The following DAB2IP variants were observed in gnomAD, a reference collection of about 807,000 sequenced individuals.
The protein encoded by DAB2IP is disabled homolog 2-interacting protein.
In DAB2IP, 28 loss-of-function variants were observed where a neutral mutation model predicts 107.2. That is an observed-to-expected ratio of 0.26 (90% CI 0.19 to 0.36). The LOEUF (loss-of-function observed/expected upper bound fraction) is 0.36. Among genes scored for constraint, DAB2IP ranks in the 10% least tolerant of loss-of-function variants. The pLI is 1.00. For missense variants in DAB2IP, 1,400 were observed against 1,644.7 expected, an observed-to-expected ratio of 0.85 and a Z score of 2.57; for synonymous variants, 755 against 706.4, an observed-to-expected ratio of 1.07 and a Z score of -1.09.
At chr9:121,781,680 C>T (rs1835666795) in intron 15 of DAB2IP, 129 bp downstream of exon 15, 2 of 915,380 alleles carry the variant, frequency 2.2e-6, no homozygotes. Context: ...CAGAATCTGC[C>T]CTGAGAAGTC....
At chr9:121,595,162 A>G (rs1236717118) in intron 1 of DAB2IP, among the ~76,000 whole-genome samples, 1 of 152,132 alleles carries the variant, frequency 6.6e-6, no homozygotes, top group Non-Finnish European at 1.5e-5. Flanking sequence ...AAGGATGACC[A>G]GGTTATTAAA....
chr9:121,637,619 T>C (rs1832134982), intron 1 of DAB2IP, among the ~76,000 whole-genome samples: 1 of 152,046 alleles, frequency 6.6e-6, no homozygotes, highest in South Asian at 2.1e-4. Context: ...AGCCCCTGAG[T>C]AGGAGGCTCA....
intron 3 of DAB2IP, among the ~76,000 whole-genome samples, chr9:121,750,267 T>C (rs536583062): frequency 6.6e-6 from 1 of 152,358 alleles, no homozygotes; most frequent in South Asian, 2.1e-4. Flanking sequence ...CTAGGCCCTC[T>C]GTCCTCCTGC....
intron 3 of DAB2IP, among the ~76,000 whole-genome samples, chr9:121,720,956 G>T (rs1830893641): frequency 6.6e-6 from 1 of 152,224 alleles, no homozygotes; most frequent in African/African-American, 2.4e-5. Flanking sequence ...AAAGGGAAGA[G>T]TTGGTTACCA....
intron 1 of DAB2IP, among the ~76,000 whole-genome samples, chr9:121,568,661 C>T (rs1436585235): frequency 1.3e-5 from 2 of 152,300 alleles, no homozygotes; most frequent in African/African-American, 4.8e-5. Context: ...GCCTGCCTGC[C>T]TCCAGAGCTG....
At chr9:121,583,366 G>C (rs188600767) in intron 1 of DAB2IP, among the ~76,000 whole-genome samples, 97 of 152,298 alleles carry the variant, frequency 6.4e-4, no homozygotes, top group African/African-American at 2.2e-3. Context: ...ACTCCAGCCT[G>C]GGCAACTGAG....
chr9:121,628,006 C>T (rs1179755165), intron 1 of DAB2IP, among the ~76,000 whole-genome samples: 1 of 152,190 alleles, frequency 6.6e-6, no homozygotes, highest in Non-Finnish European at 1.5e-5. Context: ...GTGCCAGCAT[C>T]CCTCTGTCTG....
chr9:121,691,578 C>T (rs896798281), intron 2 of DAB2IP, among the ~76,000 whole-genome samples: 2 of 151,680 alleles, frequency 1.3e-5, no homozygotes, highest in Non-Finnish European at 2.9e-5. Flanking sequence ...GATAGCAGTT[C>T]GTATTTATTG....
intron 3 of DAB2IP, among the ~76,000 whole-genome samples, chr9:121,746,260 A>G (rs1832717917): frequency 6.6e-6 from 1 of 152,196 alleles, no homozygotes; most frequent in African/African-American, 2.4e-5. Context: ...GGGGGCAGCC[A>G]GGGCTGGTTA....
intron 10 of DAB2IP, 149 bp downstream of exon 10, chr9:121,768,782 G>C: frequency 1.0e-6 from 1 of 1,003,686 alleles, no homozygotes; most frequent in Non-Finnish European, 1.4e-6. Context: ...GGATCTGTGG[G>C]CCCCATTTTC....
At chr9:121,754,708 AGGATCT>A (rs1833355591) in intron 3 of DAB2IP, among the ~76,000 whole-genome samples, 1 of 152,052 alleles carries the variant, frequency 6.6e-6, no homozygotes, top group East Asian at 1.9e-4. Flanking sequence ...CACAGACTCC[AGGATCT>A]GGCTGTTTTG....
At chr9:121,628,732 G>GA (rs993714261) in intron 1 of DAB2IP, among the ~76,000 whole-genome samples, 2 of 152,214 alleles carry the variant, frequency 1.3e-5, no homozygotes, top group African/African-American at 4.8e-5. Context: ...ACCTTCTTTA[G>GA]AGAGGCTCTT....
rs201818642 is a variant in DAB2IP at position 121,749,881 on chromosome 9, ATTGTCAAAAG to A, written c.363-7130_363-7121del. Among the ~76,000 whole-genome samples the A allele has an allele frequency of 6.4e-3, 969 of 152,272 alleles. 8 individuals carry two copies. The highest frequency in any genetic ancestry group is 0.022 in the African/African-American group (916 of 41,556). ...GGAAGTCCATATCTTGTCACTCCAA[ATTGTCAAAAG>A]TGTGACCTATCCCAGAAATGTCAGC... On this transcript the variant is annotated intron_variant, in intron 3 of 15. Coordinates refer to ENST00000408936, the Ensembl canonical transcript of DAB2IP.
At chr9:121,650,813 G>A (rs1477142815), upstream of DAB2IP, among the ~76,000 whole-genome samples, 1 of 152,210 alleles carries the variant, frequency 6.6e-6, no homozygotes, top group Non-Finnish European at 1.5e-5. Context: ...GGCAGTCCCT[G>A]CTGGCAGCAC....
intron 2 of DAB2IP, among the ~76,000 whole-genome samples, chr9:121,692,252 G>A (rs974082229): frequency 2.0e-5 from 3 of 152,164 alleles, no homozygotes; most frequent in Admixed American, 6.6e-5. Flanking sequence ...ATGTTAGCTT[G>A]TATGTTTCAT....
intron 3 of DAB2IP, among the ~76,000 whole-genome samples, chr9:121,747,384 G>C (rs1295553394): frequency 6.9e-6 from 1 of 143,992 alleles, no homozygotes; most frequent in African/African-American, 2.7e-5. Flanking sequence ...GTCTCGCTCT[G>C]TCGCCCAGGC....
At chr9:121,756,833 G>T (rs1290976058) in intron 3 of DAB2IP, among the ~76,000 whole-genome samples, 180 bp from the exon 4 acceptor site, 1 of 152,182 alleles carries the variant, frequency 6.6e-6, no homozygotes, top group African/African-American at 2.4e-5. Context: ...GTCGGGAGGA[G>T]GTTCCCACCA....
At chr9:121,680,958 G>A (rs928629283) in intron 2 of DAB2IP, among the ~76,000 whole-genome samples, 5 of 152,028 alleles carry the variant, frequency 3.3e-5, no homozygotes, top group African/African-American at 9.7e-5. Flanking sequence ...GGCCAGGCTA[G>A]TCTTGAACTC....
At chr9:121,755,477 T>G (rs1325249647) in intron 3 of DAB2IP, among the ~76,000 whole-genome samples, 2 of 151,724 alleles carry the variant, frequency 1.3e-5, no homozygotes, top group East Asian at 3.9e-4. Context: ...GAGGCCAGCT[T>G]CGTGCTGGGT....
Sources: allele counts gnomAD v4.1 joint callset (sites outside exome capture counted in the v4.1 genomes callset), GRCh38; gene constraint gnomAD v4.1.1; transcripts MANE v1.5; gene names NCBI Gene and HGNC (gene_info 2026-07-23, HGNC 2026-07-21).